LMX1B: variants seen among roughly 807,000 people sequenced by gnomAD.
LMX1B encodes LIM homeobox transcription factor 1 beta.
A neutral mutation model predicts 51.4 loss-of-function variants in LMX1B; 12 were observed. The observed-to-expected ratio is 0.23, with a 90% CI of 0.15 to 0.38. The LOEUF is 0.38. Ranked by LOEUF, LMX1B falls within the 10% of genes least tolerant of loss-of-function variation. The pLI is 1.00. For synonymous variants in LMX1B, 237 were observed against 235.4 expected, an observed-to-expected ratio of 1.01 and a Z score of -0.06; for missense variants, 445 against 571.1, an observed-to-expected ratio of 0.78 and a Z score of 2.25.
intron 2 of LMX1B, among the ~76,000 whole-genome samples, chr9:126,687,756 T>C (rs1679959220): frequency 6.6e-6 from 1 of 152,172 alleles, no homozygotes; most frequent in Admixed American, 6.5e-5. Flanking sequence ...GGTCACCAGC[T>C]AGCAAGTGGT....
At chr9:126,655,355 G>A (rs1002960907) in intron 2 of LMX1B, among the ~76,000 whole-genome samples, 7 of 150,404 alleles carry the variant, frequency 4.7e-5, no homozygotes, top group Non-Finnish European at 1.5e-5. Context: ...GCAGTGGCAG[G>A]TGCTGGAGGA....
At chr9:126,654,122 G>C (rs965675504) in intron 2 of LMX1B, among the ~76,000 whole-genome samples, 2 of 152,192 alleles carry the variant, frequency 1.3e-5, no homozygotes, top group African/African-American at 4.8e-5. Context: ...TCCACTCTCT[G>C]TGTTTGTTCC....
chr9:126,665,372 G>C (rs943272097), intron 2 of LMX1B, among the ~76,000 whole-genome samples: 1 of 152,244 alleles, frequency 6.6e-6, no homozygotes. Flanking sequence ...GCTAACCGCT[G>C]CTCCTGACTC....
At position 126,696,019 on chromosome 9, in the gene LMX1B, C is replaced by CCT; in HGVS notation, c.1051+17_1051+18insTC. On this transcript the variant is annotated intron_variant, in intron 7 of 7. Coordinates refer to ENST00000373474, the MANE Select transcript of LMX1B (RefSeq NM_001174147.2). ...AACCCCTATGGTAAGCCGCCCTACC[C>CCT]CCACCCGCCCGCCCCAGCACAGCCC... The CCT allele has an allele frequency of 1.2e-6, 1 of 869,390 alleles. No homozygotes were observed. Among genetic ancestry groups the CCT allele is most frequent in the South Asian group, 1.5e-5 (1 of 65,266 alleles). 53.9% of individuals were successfully genotyped at this position (869,390 alleles called of 1,614,324 possible).
At chr9:126,619,287 C>G (rs111915547) in intron 2 of LMX1B, among the ~76,000 whole-genome samples, 1 of 152,220 alleles carries the variant, frequency 6.6e-6, no homozygotes, top group East Asian at 1.9e-4. Context: ...CCTCTCCCCC[C>G]ACACTCCCCA....
intron 2 of LMX1B, among the ~76,000 whole-genome samples, chr9:126,661,869 G>A (rs35831180): frequency 0.11 from 17,449 of 152,300 alleles, 1,313 homozygotes; most frequent in Middle Eastern, 0.22. Context: ...AGTGGCCCCT[G>A]CAGCCCTCAG....
chr9:126,617,239 G>A (rs10819189), intron 2 of LMX1B, among the ~76,000 whole-genome samples: 38,425 of 151,444 alleles, frequency 0.25, 5,139 homozygotes, highest in Middle Eastern at 0.36. Context: ...TCCCCACCAC[G>A]CCCTGCACCC....
In LMX1B at chr9:126,693,702, G is replaced by C. The variant is rs756654861; in HGVS notation, c.820-44G>C. The C allele has an allele frequency of 5.7e-6, 9 of 1,576,648 alleles. No homozygotes were observed. In the South Asian group the frequency reaches 5.7e-5, roughly 10 times the overall value. ...AGGGGGCGTGGGGCTGGCTGTGCCT[G>C]GGGGCGAGGGGCAGCACCGGCCTGA... is the stretch of plus-strand genomic sequence containing the variant. On this transcript the variant is annotated intron_variant, in intron 5 of 7. Coordinates refer to ENST00000373474, the MANE Select transcript of LMX1B (RefSeq NM_001174147.2).
In LMX1B at chr9:126,671,338, C is replaced by T. The variant is rs1384916678; in HGVS notation, c.327-19498C>T. 1.3e-5 allele frequency among the ~76,000 whole-genome samples: 2 copies of T among 152,128 alleles called. No individual in the cohort carries two copies. The highest frequency in any genetic ancestry group is 1.9e-4 in the East Asian group (1 of 5,174). On this transcript the variant is annotated intron_variant, in intron 2 of 7. Transcript: ENST00000373474. This position sits in a 1 kb window ranked among gnomAD's most constrained non-coding sequence, Gnocchi z 4.4. ...CCACAAATATCAGCTAAATGAGGTGCGCCAGCAGAAGGCCCGCCAGGCCCA... is the reference window on the plus strand; with the variant it reads ...CCACAAATATCAGCTAAATGAGGTGTGCCAGCAGAAGGCCCGCCAGGCCCA...
Position 126,700,948 on chromosome 9 carries a change from T to G in LMX1B, c.*4497T>G, listed in dbSNP as rs2030523330. On this transcript the variant is annotated 3_prime_UTR_variant, in exon 8 of 8. Transcript: ENST00000373474. The stretch of plus-strand genomic sequence containing the variant: ...CTGCCCTCCACTCTCACCTTCCACC[T>G]CTTCCCACAACAGCAGAAAATGGAA... 6.6e-6 allele frequency: 1 copy of G among 152,270 alleles called. No homozygotes were observed. Among genetic ancestry groups the G allele is most frequent in the Non-Finnish European group, 1.5e-5 (1 of 68,056 alleles). The allele number at this position is 152,270 out of a possible 1,614,324, so 9.4% of individuals were successfully genotyped here.
intron 2 of LMX1B, among the ~76,000 whole-genome samples, chr9:126,644,952 C>T (rs1246287557): frequency 6.6e-6 from 1 of 152,220 alleles, no homozygotes; most frequent in Non-Finnish European, 1.5e-5. Context: ...CTGGGGGCTT[C>T]TCCTGCCCTC....
At chr9:126,668,638 G>A (rs1195649644) in intron 2 of LMX1B, among the ~76,000 whole-genome samples, 2 of 152,072 alleles carry the variant, frequency 1.3e-5, no homozygotes, top group Non-Finnish European at 2.9e-5. Context: ...ATTTTTAGTA[G>A]AGACAGGGTT....
chr9:126,636,369 A>G (rs1221749532), intron 2 of LMX1B, among the ~76,000 whole-genome samples: 1 of 152,100 alleles, frequency 6.6e-6, no homozygotes, highest in African/African-American at 2.4e-5. Context: ...ATCCAGGGAA[A>G]GAGGGCAGGA....
At position 126,688,988 on chromosome 9, in the gene LMX1B, C is replaced by T. The variant is rs551961607; in HGVS notation, c.327-1848C>T. Among the ~76,000 whole-genome samples the T allele has an allele frequency of 6.2e-4, 95 of 152,330 alleles. No homozygotes were observed. The South Asian group carries it at 9.9e-3, about 16-fold the overall frequency. ...TACTGAGTTACATGCTCAGCATCCT[C>T]GAATCCTGACAACAGCCTTCAGGAA... On this transcript the variant is annotated intron_variant, in intron 2 of 7. Transcript: ENST00000373474.
chr9:126,615,629 C>T lies in LMX1B; in HGVS notation c.326+60C>T, dbSNP rs1835289522. Reference sequence around the variant, plus strand: ...CCGGCACTCGAGCCCGGTCAGCCCCCTGCCGGGCCCGGCCCGCGCCCGCTC... The same window carrying T: ...CCGGCACTCGAGCCCGGTCAGCCCCTTGCCGGGCCCGGCCCGCGCCCGCTC... On this transcript the variant is annotated intron_variant, in intron 2 of 7. Coordinates refer to ENST00000373474, the MANE Select transcript of LMX1B (RefSeq NM_001174147.2). This position sits in a 1 kb window ranked among gnomAD's most constrained non-coding sequence, Gnocchi z 6.0. 1 of 1,493,380 alleles carries T rather than the reference C, an allele frequency of 6.7e-7. No homozygotes were observed. 92.5% of individuals were successfully genotyped at this position (1,493,380 alleles called of 1,614,324 possible). A position where few individuals can be genotyped will look rare whatever the true frequency, so the allele number is the denominator to read the frequency against.
chr9:126,630,720 A>G (rs756812321), intron 2 of LMX1B, among the ~76,000 whole-genome samples: 1 of 152,176 alleles, frequency 6.6e-6, no homozygotes, highest in Admixed American at 6.5e-5. Context: ...GCAAATATAT[A>G]GTGAAAGCAG....
At chr9:126,644,495 C>T (rs970190842) in intron 2 of LMX1B, among the ~76,000 whole-genome samples, 3 of 152,130 alleles carry the variant, frequency 2.0e-5, no homozygotes, top group African/African-American at 4.8e-5. Context: ...CCGCCCTTCC[C>T]GCAGCCTTAG....
At position 126,696,700 on chromosome 9, in the gene LMX1B, C is replaced by T. The variant is rs564130847; in HGVS notation, c.*249C>T. On this transcript the variant is annotated 3_prime_UTR_variant, in exon 8 of 8. Transcript: ENST00000373474. ...GTCATCCCCAGGGACCCAGAGCTCT[C>T]GGACGGCCACTCGCCTCCCAGCCCC... is the stretch of plus-strand genomic sequence containing the variant. 3.7e-5 allele frequency: 21 copies of T among 560,510 alleles called. No individual in the cohort carries two copies. The highest frequency in any genetic ancestry group is 2.4e-4 in the South Asian group (11 of 45,572). 34.7% of individuals were successfully genotyped at this position (560,510 alleles called of 1,614,324 possible).
rs1024155383 is a variant in LMX1B, at chr9:126,614,563, G to A, written c.114G>A (p.Gly38=). ...TGGAGGAGCACGCCCTGCGCCCCGG[G>A]CCCGCCACTCTGGGGGTGCTGCTGG... is the stretch of plus-strand genomic sequence containing the variant. ...IKMEEHALRP[G]PATLGVLLGS... is the part of the protein sequence containing the mutation. The change falls in exon 1 of 8, where the codon GGG becomes GGA. Residue 38 remains glycine (G), a synonymous_variant. Transcript: ENST00000373474. 6 of 1,559,138 alleles carry A rather than the reference G, an allele frequency of 3.8e-6. No individual in the cohort carries two copies. Among genetic ancestry groups the A allele is most frequent in the African/African-American group, 2.7e-5 (2 of 74,226 alleles).
Sources: allele counts gnomAD v4.1 joint callset (sites outside exome capture counted in the v4.1 genomes callset), GRCh38; gene constraint gnomAD v4.1.1; non-coding constraint Gnocchi (gnomAD v3.1); transcripts MANE v1.5; gene names NCBI Gene and HGNC (gene_info 2026-07-23, HGNC 2026-07-21).